Variants in NKAIN2 observed in about 807,000 individuals in gnomAD.
NKAIN2 encodes sodium/potassium transporting ATPase interacting 2, also known as sodium/potassium-transporting ATPase subunit beta-1-interacting protein 2.
A neutral mutation model predicts 32.6 loss-of-function variants in NKAIN2; 14 were observed. The ratio of observed to expected loss-of-function variants is 0.43; its 90% CI spans 0.28 to 0.67. NKAIN2 has a LOEUF of 0.67. NKAIN2 is among the 30% of genes least tolerant of loss of function. The pLI is 0.17. For synonymous variants in NKAIN2, 80 were observed against 87.2 expected (o/e 0.92, Z 0.46); for missense variants, 198 against 258.3 (o/e 0.77, Z 1.60).
chr6:124,650,677 G>A (rs995190764), intron 3 of NKAIN2, among the ~76,000 whole-genome samples: 1 of 152,046 alleles, frequency 6.6e-6, no homozygotes, highest in Non-Finnish European at 1.5e-5. Context: ...GTGGAGCAAC[G>A]CATGGCCTAA....
intron 3 of NKAIN2, among the ~76,000 whole-genome samples, chr6:124,391,299 ATG>A (rs1773130981): frequency 6.6e-6 from 1 of 152,124 alleles, no homozygotes; most frequent in Admixed American, 6.6e-5. Flanking sequence ...TGATGTTTAT[ATG>A]TGTGGGCAAA....
chr6:124,527,470 G>T (rs564282760), intron 3 of NKAIN2, among the ~76,000 whole-genome samples: 11 of 152,222 alleles, frequency 7.2e-5, no homozygotes, highest in African/African-American at 1.9e-4. Flanking sequence ...ATTAATATTA[G>T]AATTTGTTCT....
At chr6:124,203,396 A>G (rs143015554) in intron 1 of NKAIN2, among the ~76,000 whole-genome samples, 182 of 151,930 alleles carry the variant, frequency 1.2e-3, no homozygotes, top group African/African-American at 4.2e-3. Flanking sequence ...TTTCATGGGT[A>G]TTTTTATCAC....
chr6:123,846,517 T>C (rs1443504402), intron 1 of NKAIN2, among the ~76,000 whole-genome samples: 3 of 152,226 alleles, frequency 2.0e-5, no homozygotes, highest in Non-Finnish European at 4.4e-5. Flanking sequence ...CTTCTTAGTC[T>C]TTGCAGTTGA....
intron 1 of NKAIN2, among the ~76,000 whole-genome samples, chr6:124,097,352 G>A (rs867750265): frequency 1.3e-4 from 19 of 147,568 alleles, no homozygotes; most frequent in African/African-American, 4.8e-4. Flanking sequence ...GCATTGAGCC[G>A]ACATCGCGCC....
chr6:124,339,361 C>T (rs922632983), intron 2 of NKAIN2, among the ~76,000 whole-genome samples: 8 of 152,038 alleles, frequency 5.3e-5, no homozygotes, highest in African/African-American at 1.9e-4. Flanking sequence ...CAAACAACAA[C>T]AACAACAAAA....
At chr6:124,258,680 C>T (rs1794071012) in intron 1 of NKAIN2, among the ~76,000 whole-genome samples, 1 of 152,168 alleles carries the variant, frequency 6.6e-6, no homozygotes, top group Non-Finnish European at 1.5e-5. Flanking sequence ...ACAGTTTTCA[C>T]CACATAAAAT....
At chr6:124,818,322 G>A in intron 5 of NKAIN2, 65 bp from the exon 6 acceptor site, 1 of 798,686 alleles carries the variant, frequency 1.3e-6, no homozygotes, top group Non-Finnish European at 2.2e-6. Context: ...AGTAATCTGT[G>A]TGGGTGCTTG....
intron 1 of NKAIN2, among the ~76,000 whole-genome samples, chr6:123,950,245 G>A (rs187505025): frequency 6.6e-6 from 1 of 151,784 alleles, no homozygotes; most frequent in Non-Finnish European, 1.5e-5. Context: ...TTGACCTGTA[G>A]TTTTAATTTG....
intron 3 of NKAIN2, among the ~76,000 whole-genome samples, chr6:124,513,886 C>A (rs1004578278): frequency 1.3e-5 from 2 of 152,072 alleles, no homozygotes; most frequent in African/African-American, 4.8e-5. Context: ...TGGATGTTGT[C>A]ATGAATAATT....
intron 1 of NKAIN2, among the ~76,000 whole-genome samples, chr6:123,886,416 C>A (rs1773715020): frequency 6.6e-6 from 1 of 151,948 alleles, no homozygotes. Context: ...GTTAAATAAA[C>A]AAGGACACCA....
chr6:124,243,629 T>C (rs1793229428), intron 1 of NKAIN2, among the ~76,000 whole-genome samples: 1 of 152,160 alleles, frequency 6.6e-6, no homozygotes, highest in Middle Eastern at 3.2e-3. Flanking sequence ...ACTATGGCCT[T>C]CCATAAATGT....
At chr6:124,530,620 G>A (rs574535002) in intron 3 of NKAIN2, among the ~76,000 whole-genome samples, 1 of 152,312 alleles carries the variant, frequency 6.6e-6, no homozygotes, top group Non-Finnish European at 1.5e-5. Context: ...TTGCTTATTT[G>A]GTTATGAAGG....
intron 3 of NKAIN2, among the ~76,000 whole-genome samples, chr6:124,656,202 AAAAT>A (rs1384107208): frequency 2.0e-5 from 3 of 152,220 alleles, no homozygotes; most frequent in Non-Finnish European, 1.5e-5. Context: ...ACCATTGGAT[AAAAT>A]AAATAGCAGA....
intron 3 of NKAIN2, among the ~76,000 whole-genome samples, chr6:124,606,620 T>G (rs1782509862): frequency 6.6e-6 from 1 of 152,082 alleles, no homozygotes; most frequent in South Asian, 2.1e-4. Flanking sequence ...GTATTTAATG[T>G]AAGTGATAAA....
At chr6:124,211,318 T>C (rs1052030593) in intron 1 of NKAIN2, among the ~76,000 whole-genome samples, 4 of 151,846 alleles carry the variant, frequency 2.6e-5, no homozygotes, top group Non-Finnish European at 2.9e-5. Flanking sequence ...ATTTTAAACA[T>C]AGTGGGTATT....
At chr6:124,805,941 A>C (rs1274960978) in intron 5 of NKAIN2, among the ~76,000 whole-genome samples, 3 of 152,236 alleles carry the variant, frequency 2.0e-5, no homozygotes, top group Admixed American at 6.5e-5. Flanking sequence ...TTTAGAGAAA[A>C]AAGAATAAAA....
intron 1 of NKAIN2, among the ~76,000 whole-genome samples, chr6:124,143,100 A>G (rs1787221589): frequency 6.6e-6 from 1 of 152,230 alleles, no homozygotes; most frequent in African/African-American, 2.4e-5. Flanking sequence ...GCATTTATCA[A>G]AACCCTAAGC....
intron 1 of NKAIN2, among the ~76,000 whole-genome samples, chr6:124,153,327 T>G (rs970315338): frequency 1.3e-5 from 2 of 151,862 alleles, no homozygotes; most frequent in Non-Finnish European, 3.0e-5. Context: ...TATTGTAGAT[T>G]CTTTGAGTTT....
Sources: gnomAD v4.1 joint callset for allele counts (sites outside exome capture counted in the v4.1 genomes callset) on GRCh38, gnomAD v4.1.1 for gene constraint, MANE v1.5 for transcripts, NCBI Gene and HGNC (gene_info 2026-07-23, HGNC 2026-07-21) for gene names.